The following PARD3B variants were observed in gnomAD, a reference collection of about 807,000 sequenced individuals.
PARD3B encodes the protein partitioning defective 3 homolog B.
In PARD3B, 103 loss-of-function variants were observed where a neutral mutation model predicts 130.2. The ratio of observed to expected loss-of-function variants is 0.79; its 90% confidence interval spans 0.67 to 0.93. PARD3B has a LOEUF of 0.93. Ranked by LOEUF, PARD3B falls within the 40% of genes least tolerant of loss-of-function variation. The pLI, the probability that PARD3B is intolerant of heterozygous loss-of-function variation, is 0.00. For missense variants in PARD3B, 1,609 were observed against 1,499.2 expected (o/e 1.07, Z -1.21); for synonymous variants, 583 against 553.2 (o/e 1.05, Z -0.76).
At chr2:205,486,463 T>C (rs1342795985) in intron 20 of PARD3B, among the ~76,000 whole-genome samples, 1 of 152,194 alleles carries the variant, frequency 6.6e-6, no homozygotes, top group Non-Finnish European at 1.5e-5. Context: ...AGCACTAATA[T>C]GAAGAAATAC....
At chr2:204,977,894 A>G (rs1372371795) in intron 3 of PARD3B, among the ~76,000 whole-genome samples, 1 of 151,854 alleles carries the variant, frequency 6.6e-6, no homozygotes, top group East Asian at 1.9e-4. Context: ...ATTCTTACAT[A>G]TCTGATGAGG....
intron 1 of PARD3B, among the ~76,000 whole-genome samples, chr2:204,638,902 G>A (rs548980126): frequency 6.6e-6 from 1 of 152,128 alleles, no homozygotes; most frequent in Non-Finnish European, 1.5e-5. Flanking sequence ...TAGGCCTTTA[G>A]ATTCCTCCAT....
At chr2:205,535,787 C>T (rs748643238) in intron 21 of PARD3B, among the ~76,000 whole-genome samples, 1 of 152,168 alleles carries the variant, frequency 6.6e-6, no homozygotes, top group Non-Finnish European at 1.5e-5. Flanking sequence ...GCCAAGCTCT[C>T]CCATTGTGAG....
chr2:205,444,600 T>C (rs2047840807), intron 20 of PARD3B, among the ~76,000 whole-genome samples: 1 of 152,186 alleles, frequency 6.6e-6, no homozygotes. Context: ...GCGTCATAAT[T>C]GGGGAATGAG....
At chr2:204,822,239 T>C (rs1367356277) in intron 2 of PARD3B, among the ~76,000 whole-genome samples, 1 of 152,182 alleles carries the variant, frequency 6.6e-6, no homozygotes, top group Admixed American at 6.5e-5. Context: ...GTGGTAGAAA[T>C]AGCAAGAGAA....
At chr2:204,881,455 TTAA>T (rs2046043408) in intron 2 of PARD3B, among the ~76,000 whole-genome samples, 1 of 152,222 alleles carries the variant, frequency 6.6e-6, no homozygotes, top group South Asian at 2.1e-4. Context: ...AAATTTTTGC[TTAA>T]TAAGAAAACA....
At chr2:204,843,264 C>G (rs529764724) in intron 2 of PARD3B, among the ~76,000 whole-genome samples, 109 of 152,254 alleles carry the variant, frequency 7.2e-4, no homozygotes, top group Admixed American at 1.4e-3. Flanking sequence ...TTATTAATCA[C>G]TAGATACTGT....
At chr2:204,777,862 G>A (rs2041688858) in intron 2 of PARD3B, among the ~76,000 whole-genome samples, 1 of 152,072 alleles carries the variant, frequency 6.6e-6, no homozygotes, top group African/African-American at 2.4e-5. Context: ...GTCGAGAGAG[G>A]GAGGTGATTG....
In PARD3B at chr2:204,545,707, A is replaced by C; in HGVS notation, c.-293A>C. On this transcript the variant is annotated 5_prime_UTR_variant, in exon 1 of 23. Transcript: ENST00000406610. ...GCAGCCGCCTGGGCCGGGCAGGAGT[A>C]GGAGCGGGAGGAGGAGGAGGAGGAG... 4 of 260,380 alleles carry C rather than the reference A, an allele frequency of 1.5e-5. No individual in the cohort carries two copies. Among genetic ancestry groups the C allele is most frequent in the Non-Finnish European group, 2.7e-5 (4 of 147,290 alleles). 16.1% of individuals were successfully genotyped at this position (260,380 alleles called of 1,614,324 possible).
chr2:204,665,893 T>C (rs1178611140), intron 1 of PARD3B, among the ~76,000 whole-genome samples: 1 of 152,256 alleles, frequency 6.6e-6, no homozygotes, highest in Non-Finnish European at 1.5e-5. Flanking sequence ...AGTTTGTGAC[T>C]GTGACATTGT....
intron 2 of PARD3B, among the ~76,000 whole-genome samples, chr2:204,751,438 A>T (rs1377440625): frequency 6.6e-6 from 1 of 152,242 alleles, no homozygotes. Flanking sequence ...AAACTTCTTT[A>T]ACTTCAAGGT....
chr2:205,566,021 CAATA>C (rs1271178350), intron 22 of PARD3B, among the ~76,000 whole-genome samples: 1 of 151,268 alleles, frequency 6.6e-6, no homozygotes, highest in Admixed American at 6.6e-5. Flanking sequence ...AGGTTTAAGA[CAATA>C]AATAAGGAAT....
rs753974413 is a variant in PARD3B at position 205,121,745 on chromosome 2, C to G, written c.961C>G (p.Pro321Ala). The change falls in exon 8 of 23, where the codon CCT (proline) becomes GCT (alanine). Residue 321 changes from proline to alanine, a missense_variant. Transcript: ENST00000406610. The surrounding 1 kb of genome is among the most constrained non-coding windows in gnomAD (Gnocchi z 5.0). ...CGTTTTGAAAACCAAAGTGCCGCCT[C>G]CTGTCCATGGAAAATCGGGACTAAA... is the stretch of plus-strand genomic sequence containing the variant. ...DGVLKTKVPP[P>A]VHGKSGLKTA... 1 of 1,614,096 alleles carries G rather than the reference C, an allele frequency of 6.2e-7. No individual in the cohort carries two copies. The highest frequency in any genetic ancestry group is 8.5e-7 in the Non-Finnish European group (1 of 1,180,030).
At chr2:205,261,699 G>A (rs953761191) in intron 16 of PARD3B, among the ~76,000 whole-genome samples, 5 of 152,128 alleles carry the variant, frequency 3.3e-5, no homozygotes, top group African/African-American at 9.7e-5. Context: ...TTATTACTCT[G>A]TCTAGAGATT....
intron 19 of PARD3B, among the ~76,000 whole-genome samples, chr2:205,436,965 C>G (rs1382788731): frequency 1.3e-5 from 2 of 151,906 alleles, no homozygotes; most frequent in East Asian, 3.9e-4. Flanking sequence ...CTGTCTCTGC[C>G]TCTCCTCCAT....
chr2:204,611,164 C>T (rs1028639661), intron 1 of PARD3B, among the ~76,000 whole-genome samples: 7 of 152,094 alleles, frequency 4.6e-5, no homozygotes, highest in Admixed American at 4.6e-4. Flanking sequence ...CAGCATGAGT[C>T]CTAATGTATC....
chr2:204,894,420 A>G (rs2046567776), intron 2 of PARD3B, among the ~76,000 whole-genome samples: 1 of 151,970 alleles, frequency 6.6e-6, no homozygotes, highest in Non-Finnish European at 1.5e-5. Context: ...AACATGAAAG[A>G]TATTATAGTG....
chr2:205,332,747 C>T (rs1473054386), intron 18 of PARD3B, among the ~76,000 whole-genome samples: 2 of 152,092 alleles, frequency 1.3e-5, no homozygotes, highest in African/African-American at 4.8e-5. Flanking sequence ...CTCTCCCTTC[C>T]CTACCTACAC....
At chr2:205,217,353 A>T (rs945388425) in intron 15 of PARD3B, among the ~76,000 whole-genome samples, 15 of 152,222 alleles carry the variant, frequency 9.9e-5, no homozygotes, top group Non-Finnish European at 2.1e-4. Context: ...AGAGACTATT[A>T]TTTTAATTTT....
Sources: allele counts gnomAD v4.1 joint callset (sites outside exome capture counted in the v4.1 genomes callset), GRCh38; gene constraint gnomAD v4.1.1; non-coding constraint Gnocchi (gnomAD v3.1); transcripts MANE v1.5; gene names NCBI Gene and HGNC (gene_info 2026-07-23, HGNC 2026-07-21).